Variants in TNRC18 observed in about 807,000 individuals in gnomAD.
TNRC18 encodes trinucleotide repeat containing 18.
TNRC18 carries 69 observed loss-of-function variants against 226.7 expected under a neutral mutation model. The observed-to-expected ratio is 0.30, with a 90% CI of 0.25 to 0.37. The LOEUF is 0.37. Among genes scored for constraint, TNRC18 ranks in the 10% least tolerant of loss-of-function variants. The probability of loss-of-function intolerance (pLI) is 1.00; values close to 1 mark genes in which losing one functional copy is unlikely to be tolerated. For synonymous variants in TNRC18, 2,449 were observed against 1,927.6 expected (o/e 1.27, Z -7.09); for missense variants, 4,754 against 4,256.6 (o/e 1.12, Z -3.25).
chr7:5,321,040 G>A (rs746685199), intron 22 of TNRC18, 33 bp downstream of exon 22: 37 of 1,461,366 alleles, frequency 2.5e-5, no homozygotes, highest in Middle Eastern at 2.4e-4. Flanking sequence ...TATGGGACAC[G>A]GGGCTCTGTG....
In TNRC18 at chr7:5,414,979, T is replaced by C. The variant is rs144700255; in HGVS notation, c.187+6081A>G. Among the ~76,000 whole-genome samples, 164 of 152,328 alleles carry C rather than the reference T, an allele frequency of 1.1e-3. 1 individual carries two copies. The highest frequency in any genetic ancestry group is 2.1e-3 in the African/African-American group (88 of 41,570). ...AACAGTTCTCCGCCTTCCTCTGCCT[T>C]GCATGCCATTGACATTTTTTTAAGA... On this transcript the variant is annotated intron_variant, in intron 2 of 29. Coordinates refer to ENST00000430969, the MANE Select transcript of TNRC18 (RefSeq NM_001080495.3).
chr7:5,377,471 G>A lies in TNRC18; in HGVS notation c.2361C>T (p.Gly787=). 6.4e-7 allele frequency: 1 copy of A among 1,574,102 alleles called. No individual in the cohort carries two copies. The highest frequency in any genetic ancestry group is 8.6e-7 in the Non-Finnish European group (1 of 1,161,252). The stretch of plus-strand genomic sequence containing the variant: ...CGGGGTCGGCAGACCAGCGACCTGA[G>A]CCCGCCAGCGCCGGGCCCCCCGTCA... ...LMVTGGPALA[G]SGRWSADPAA... Residue 787 remains glycine (G), a synonymous_variant, in exon 7 of 30, where the codon GGC becomes GGT. Transcript: ENST00000430969. This position sits in a 1 kb window ranked among gnomAD's most constrained non-coding sequence, Gnocchi z 5.8.
At chr7:5,314,270 G>C (rs1225826124) in intron 26 of TNRC18, among the ~76,000 whole-genome samples, 1 of 152,136 alleles carries the variant, frequency 6.6e-6, no homozygotes, top group African/African-American at 2.4e-5. Flanking sequence ...GCGCCCAGCA[G>C]AAAGGCCTGG....
intron 2 of TNRC18, among the ~76,000 whole-genome samples, chr7:5,413,955 CT>C (rs1781998180): frequency 6.6e-6 from 1 of 152,074 alleles, no homozygotes; most frequent in African/African-American, 2.4e-5. Context: ...CTCTCACTGT[CT>C]TATTTGTTTT....
chr7:5,381,821 C>G (rs1779416765), intron 5 of TNRC18, among the ~76,000 whole-genome samples: 1 of 152,034 alleles, frequency 6.6e-6, no homozygotes, highest in African/African-American at 2.4e-5. Flanking sequence ...CAAAAATTAG[C>G]TGGGCACGGT....
In TNRC18 at chr7:5,394,874, G is replaced by A. The variant is rs769697405; in HGVS notation, c.188-279C>T. Among the ~76,000 whole-genome samples the A allele has an allele frequency of 2.0e-5, 3 of 152,040 alleles. No homozygotes were observed. The highest frequency in any genetic ancestry group is 4.4e-5 in the Non-Finnish European group (3 of 67,994). On this transcript the variant is annotated intron_variant, in intron 2 of 29. Coordinates refer to ENST00000430969, the MANE Select transcript of TNRC18 (RefSeq NM_001080495.3). The surrounding 1 kb of genome is among the most constrained non-coding windows in gnomAD (Gnocchi z 4.5). ...TCAGCCCTGGGCACCCCGCACCCTC[G>A]GAGGAGGGCCTTCCACCCCTGCCGC...
rs1286543312 is a variant in TNRC18, at chr7:5,313,306, G to A, written c.7585C>T (p.Pro2529Ser). 6.5e-7 allele frequency: 1 copy of A among 1,548,868 alleles called. No homozygotes were observed. Among genetic ancestry groups the A allele is most frequent in the Non-Finnish European group, 8.7e-7 (1 of 1,146,882 alleles). ...TCCTCGAACGTGAGCCCCGGCCCGG[G>A]CTCCTGGGCGAGGTCCCCGTCGGTG... The part of the protein sequence containing the change: ...KATDGDLAQE[P>S]GPGLTFEDSG... The change falls in exon 27 of 30, where the codon CCC becomes TCC. Residue 2529 changes from proline (P) to serine (S), a missense_variant. By Grantham distance (74) the Pro-to-Ser change is moderately conservative. Transcript: ENST00000430969.
rs1794428343 is a variant in TNRC18, at chr7:5,374,296, G to C, written c.2988C>G (p.Pro996=). 6.9e-7 allele frequency: 1 copy of C among 1,457,748 alleles called. No homozygotes were observed. Among genetic ancestry groups the C allele is most frequent in the Non-Finnish European group, 9.0e-7 (1 of 1,108,762 alleles). 90.3% of individuals were successfully genotyped at this position (1,457,748 alleles called of 1,614,324 possible). ...TCAGGGCAGCCACAGGGGATGCGCGGGGTGATGGTGGCGGGCTCACGGCCT... is the reference window on the plus strand; with the variant it reads ...TCAGGGCAGCCACAGGGGATGCGCGCGGTGATGGTGGCGGGCTCACGGCCT... ...YGKAVSPPPS[P]RASPVAALKA... is the part of the protein sequence containing the mutation. The change falls in exon 10 of 30, where the codon CCC becomes CCG. Residue 996 remains proline, a synonymous_variant. Coordinates refer to ENST00000430969, the MANE Select transcript of TNRC18 (RefSeq NM_001080495.3).
chr7:5,342,052 T>G (rs1790737873), intron 18 of TNRC18, among the ~76,000 whole-genome samples: 1 of 152,174 alleles, frequency 6.6e-6, no homozygotes, highest in Non-Finnish European at 1.5e-5. Context: ...TTAAGGAATA[T>G]AATTTGTAAG....
chr7:5,353,562 GAAAAAA>G (rs35875231), intron 16 of TNRC18, among the ~76,000 whole-genome samples: 1 of 86,552 alleles, frequency 1.2e-5, no homozygotes, highest in Non-Finnish European at 2.3e-5. Context: ...ATCATCTAAA[GAAAAAA>G]AAAAAAAAAA....
rs1291538825 is a variant in TNRC18 at position 5,356,967 on chromosome 7, G to A, written c.5143C>T (p.Pro1715Ser). Reference protein sequence around the residue: ...MEVGFKARGQPKSAHSPFASE... With the variant: ...MEVGFKARGQSKSAHSPFASE... ...GCAAACGGGGAATGGGCCGACTTGGGCTGGCCTCTGGCCTTGAACCCCACC... is the reference window on the plus strand; with the variant it reads ...GCAAACGGGGAATGGGCCGACTTGGACTGGCCTCTGGCCTTGAACCCCACC... Residue 1715 changes from proline to serine, a missense_variant, in exon 16 of 30, where the codon CCC (proline) becomes TCC (serine). Transcript: ENST00000430969. 1 of 1,551,998 alleles carries A rather than the reference G, an allele frequency of 6.4e-7. No homozygotes were observed. Among genetic ancestry groups the A allele is most frequent in the East Asian group, 2.4e-5 (1 of 40,926 alleles).
intron 2 of TNRC18, among the ~76,000 whole-genome samples, chr7:5,412,189 T>C (rs1031782144): frequency 1.5e-5 from 2 of 133,356 alleles, no homozygotes; most frequent in African/African-American, 5.6e-5. Flanking sequence ...ACCCAGCGTC[T>C]TAATAAAAAA....
intron 11 of TNRC18, among the ~76,000 whole-genome samples, chr7:5,364,134 AC>A (rs1793369332): frequency 6.6e-6 from 1 of 152,098 alleles, no homozygotes; most frequent in African/African-American, 2.4e-5. Context: ...CCCTGTCTCT[AC>A]TAAAAATTCA....
chr7:5,342,101 T>C (rs1790741436), intron 18 of TNRC18, among the ~76,000 whole-genome samples: 1 of 152,200 alleles, frequency 6.6e-6, no homozygotes, highest in African/African-American at 2.4e-5. Flanking sequence ...CTGATGGATC[T>C]GGGCAAAGTA....
chr7:5,412,244 GAAAAAAAAA>G (rs55864404), intron 2 of TNRC18, among the ~76,000 whole-genome samples: 1,209 of 71,892 alleles, frequency 0.017, 28 homozygotes, highest in African/African-American at 0.036. Flanking sequence ...AATTCCAAAT[GAAAAAAAAA>G]AAAAAAAAAA....
chr7:5,372,373 G>A (rs1396584002), intron 10 of TNRC18, among the ~76,000 whole-genome samples: 14 of 151,512 alleles, frequency 9.2e-5, no homozygotes, highest in Non-Finnish European at 1.5e-4. Flanking sequence ...CACTGTGCCC[G>A]GCCGTGCCCG....
Position 5,379,656 on chromosome 7 carries a change from CCT to C in TNRC18, c.2153-1634_2153-1633del, listed in dbSNP as rs1333791667. On this transcript the variant is annotated intron_variant, in intron 5 of 29. Coordinates refer to ENST00000430969, the MANE Select transcript of TNRC18 (RefSeq NM_001080495.3). ...TTGTCCCTGCCACCCTGCCCTGGCC[CCT>C]CTTTGAGTGTTCAACACCATGAGCC... 3.3e-5 allele frequency among the ~76,000 whole-genome samples: 5 copies of C among 152,334 alleles called. No individual in the cohort carries two copies. The East Asian group carries it at 9.7e-4, about 29-fold the overall frequency.
At position 5,356,908 on chromosome 7, in the gene TNRC18, C is replaced by A; in HGVS notation, c.5194+8G>T. The A allele has an allele frequency of 6.5e-7, 1 of 1,533,664 alleles. No individual in the cohort carries two copies. Among genetic ancestry groups the A allele is most frequent in the South Asian group, 1.2e-5 (1 of 81,400 alleles). ...CGGACCAGAGGTGGCGCGGCATACG[C>A]TACTTACTGTAAGAGTAGCTGCTCA... On this transcript the variant is annotated splice_region_variant and intron_variant, in intron 16 of 29. Coordinates refer to ENST00000430969, the MANE Select transcript of TNRC18 (RefSeq NM_001080495.3).
At position 5,390,551 on chromosome 7, in the gene TNRC18, G is replaced by T. The variant is rs754378027; in HGVS notation, c.421C>A (p.Pro141Thr). 1.2e-6 allele frequency: 2 copies of T among 1,613,594 alleles called. No homozygotes were observed. Among genetic ancestry groups the T allele is most frequent in the African/African-American group, 1.3e-5 (1 of 75,006 alleles). ...GGCTGACCCAGCTGGCTGAGGAGGG[G>T]GCTCCCACTGCTGGGGGGCTCCAGG... Reference protein sequence around the residue: ...NHLEPPSSGSPLLSQLGQPSI... With the variant: ...NHLEPPSSGSTLLSQLGQPSI... Residue 141 changes from proline (P) to threonine (T), a missense_variant, in exon 4 of 30, where the codon CCC becomes ACC. Coordinates refer to ENST00000430969, the MANE Select transcript of TNRC18 (RefSeq NM_001080495.3).
Sources: allele counts gnomAD v4.1 joint callset (sites outside exome capture counted in the v4.1 genomes callset), GRCh38; gene constraint gnomAD v4.1.1; non-coding constraint Gnocchi (gnomAD v3.1); transcripts MANE v1.5; gene names NCBI Gene and HGNC (gene_info 2026-07-23, HGNC 2026-07-21).